Variants in CDKL1 observed in about 807,000 individuals in gnomAD.
CDKL1 encodes cyclin-dependent kinase-like 1.
In CDKL1, 41 loss-of-function variants were observed where a neutral mutation model predicts 42.0. That is an observed-to-expected ratio of 0.98 (90% CI 0.76 to 1.27). CDKL1 has a LOEUF of 1.27. Among genes scored for constraint, CDKL1 ranks in the 50% most tolerant of loss-of-function variants. The pLI is 0.00. For synonymous variants in CDKL1, 153 were observed against 158.6 expected, an observed-to-expected ratio of 0.96 and a Z score of 0.26; for missense variants, 394 against 428.4, an observed-to-expected ratio of 0.92 and a Z score of 0.71.
intron 5 of CDKL1, 45 bp downstream of exon 5, chr14:50,342,087 C>CT: frequency 6.6e-7 from 1 of 1,518,364 alleles, no homozygotes; most frequent in Non-Finnish European, 9.1e-7. Context: ...GTATCAAGAA[C>CT]TTTTTCATTT....
intron 2 of CDKL1, among the ~76,000 whole-genome samples, chr14:50,395,102 T>C (rs1429076076): frequency 6.6e-6 from 1 of 152,274 alleles, no homozygotes; most frequent in African/African-American, 2.4e-5. Flanking sequence ...GTGAGCTTCC[T>C]AGCAGTTTGA....
rs760993904 is a variant in CDKL1 at position 50,339,045 on chromosome 14, GA to G, written c.656-17del. The G allele has an allele frequency of 3.2e-6, 5 of 1,562,428 alleles. No individual in the cohort carries two copies. Among genetic ancestry groups the G allele is most frequent in the African/African-American group, 2.7e-5 (2 of 73,978 alleles). On this transcript the variant is annotated splice_polypyrimidine_tract_variant and intron_variant, in intron 6 of 9. Coordinates refer to ENST00000395834, the MANE Select transcript of CDKL1 (RefSeq NM_004196.7). ...ATGAGATCCCCTTTGGACAAGAAAA[GA>G]AAAAGGTAAGTGAAATTGGTTAGCA... is the stretch of plus-strand genomic sequence containing the variant.
At chr14:50,358,208 C>A in intron 3 of CDKL1, 1 of 1,174,926 alleles carries the variant, frequency 8.5e-7, no homozygotes. Flanking sequence ...TTCTCAGTTA[C>A]AGCCACAACA....
upstream of CDKL1, chr14:50,397,053 C>G (rs1375528507): frequency 1.5e-6 from 2 of 1,319,796 alleles, no homozygotes; most frequent in South Asian, 2.4e-5. Context: ...GGGAGCTGTC[C>G]TGACCGCGGG....
intron 7 of CDKL1, 127 bp from the exon 8 acceptor site, chr14:50,334,748 A>C: frequency 1.5e-6 from 1 of 665,092 alleles, no homozygotes; most frequent in East Asian, 2.7e-5. Flanking sequence ...TGCCCACCCA[A>C]CCTCCTGCCC....
chr14:50,395,762 A>G lies in CDKL1; in HGVS notation c.107T>C (p.Leu36Pro), dbSNP rs1396925330. Residue 36 changes from leucine to proline, a missense_variant, in exon 2 of 10, where the codon CTG becomes CCG. Leu to Pro is a moderately conservative substitution (Grantham distance 98). Coordinates refer to ENST00000395834, the MANE Select transcript of CDKL1 (RefSeq NM_004196.7). The part of the protein sequence containing the change: ...TGQIVAIKKF[L>P]ESEDDPVIKK... ...TATGACAGGGTCATCTTCTGATTCC[A>G]GAAACTTCTTGATGGCCACAATCTG... The G allele has an allele frequency of 6.2e-7, 1 of 1,614,080 alleles. No individual in the cohort carries two copies. Among genetic ancestry groups the G allele is most frequent in the Admixed American group, 1.7e-5 (1 of 60,028 alleles).
At chr14:50,378,473 G>C (rs1419425216) in intron 2 of CDKL1, 1 of 1,350,378 alleles carries the variant, frequency 7.4e-7, no homozygotes, top group Non-Finnish European at 9.9e-7. Flanking sequence ...GCACTACACT[G>C]TCGCATAACT....
At chr14:50,393,997 G>C (rs928872689) in intron 2 of CDKL1, among the ~76,000 whole-genome samples, 1 of 152,202 alleles carries the variant, frequency 6.6e-6, no homozygotes, top group African/African-American at 2.4e-5. Context: ...TGGGGATATA[G>C]AGCTACAGAG....
At chr14:50,387,824 G>C (rs1182575948) in intron 2 of CDKL1, among the ~76,000 whole-genome samples, 1 of 152,196 alleles carries the variant, frequency 6.6e-6, no homozygotes, top group African/African-American at 2.4e-5. Context: ...AGGGAGCCTA[G>C]AATGACCCCT....
intron 7 of CDKL1, among the ~76,000 whole-genome samples, chr14:50,338,198 T>G (rs1271569873): frequency 6.6e-6 from 1 of 152,104 alleles, no homozygotes; most frequent in Admixed American, 6.5e-5. Context: ...AGCACCAGAG[T>G]AAGGCTGGCT....
chr14:50,347,814 G>A (rs1429710578), intron 3 of CDKL1, among the ~76,000 whole-genome samples: 1 of 152,196 alleles, frequency 6.6e-6, no homozygotes, highest in Non-Finnish European at 1.5e-5. Flanking sequence ...GAGGAGCTCG[G>A]AAGGAAGCTG....
chr14:50,335,681 A>G lies in CDKL1; in HGVS notation c.739-1060T>C. The G allele has an allele frequency of 8.1e-6, 12 of 1,487,036 alleles. No homozygotes were observed. In the South Asian group the frequency reaches 1.3e-4, roughly 16 times the overall value. 92.1% of individuals were successfully genotyped at this position (1,487,036 alleles called of 1,614,324 possible). On this transcript the variant is annotated intron_variant, in intron 7 of 9. Transcript: ENST00000395834. ...AAATAAGAGCCAGCCAAGCTGAGCAAAATAAGTGACTGCAGTGCATTGTGT... is the reference window on the plus strand; with the variant it reads ...AAATAAGAGCCAGCCAAGCTGAGCAGAATAAGTGACTGCAGTGCATTGTGT...
At chr14:50,344,931 C>CCACCTCAG in intron 4 of CDKL1, 55 bp downstream of exon 4, 1 of 1,396,408 alleles carries the variant, frequency 7.2e-7, no homozygotes. Context: ...GTACAAGGCT[C>CCACCTCAG]CACCTCAGCT....
Position 50,395,691 on chromosome 14 carries a change from A to C in CDKL1, c.168+10T>G, listed in dbSNP as rs777010432. 4 of 1,576,388 alleles carry C rather than the reference A, an allele frequency of 2.5e-6. No individual in the cohort carries two copies. Among genetic ancestry groups the C allele is most frequent in the Non-Finnish European group, 3.5e-6 (4 of 1,150,806 alleles). On this transcript the variant is annotated intron_variant, in intron 2 of 9. Transcript: ENST00000395834. Reference sequence around the variant, plus strand: ...CGAAAAAGAAAAAAAAGGAAAAGTGAATCAATTACCTTGAGCATTCGGATT... The same window carrying C: ...CGAAAAAGAAAAAAAAGGAAAAGTGCATCAATTACCTTGAGCATTCGGATT...
chr14:50,327,696 C>G lies in CDKL1; in HGVS notation c.*2378G>C. Reference sequence around the variant, plus strand: ...GCCAGACTGGTCTTGAACTCCTAACCTCAGGATCCACCCGCCTCGGCCTCC... The same window carrying G: ...GCCAGACTGGTCTTGAACTCCTAACGTCAGGATCCACCCGCCTCGGCCTCC... On this transcript the variant is annotated 3_prime_UTR_variant, in exon 10 of 10. Coordinates refer to ENST00000395834, the MANE Select transcript of CDKL1 (RefSeq NM_004196.7). 1 of 152,064 alleles carries G rather than the reference C, an allele frequency of 6.6e-6. No homozygotes were observed. The highest frequency in any genetic ancestry group is 1.5e-5 in the Non-Finnish European group (1 of 68,020). The allele number at this position is 152,064 out of a possible 1,614,324, so 9.4% of individuals were successfully genotyped here.
intron 2 of CDKL1, chr14:50,362,868 C>T (rs753549909): frequency 1.0e-5 from 4 of 392,580 alleles, no homozygotes; most frequent in South Asian, 1.8e-5. Context: ...GCAGGCTGCC[C>T]GACCCAGCAG....
chr14:50,394,828 AACT>A (rs2035352903), intron 2 of CDKL1, among the ~76,000 whole-genome samples: 1 of 152,138 alleles, frequency 6.6e-6, no homozygotes, highest in Non-Finnish European at 1.5e-5. Flanking sequence ...TTTTAGGGTT[AACT>A]AATAAACATT....
chr14:50,342,405 C>A, intron 4 of CDKL1, 183 bp from the exon 5 acceptor site: 1 of 1,353,352 alleles, frequency 7.4e-7, no homozygotes, highest in Non-Finnish European at 9.5e-7. Flanking sequence ...CTGAATCATC[C>A]CAAATTCCTA....
intron 3 of CDKL1, among the ~76,000 whole-genome samples, chr14:50,353,058 A>G (rs1234353060): frequency 6.6e-6 from 1 of 152,232 alleles, no homozygotes; most frequent in African/African-American, 2.4e-5. Context: ...TAGATAAAAC[A>G]TAGAGTCAGT....
Sources: gnomAD v4.1 joint callset for allele counts (sites outside exome capture counted in the v4.1 genomes callset) on GRCh38, gnomAD v4.1.1 for gene constraint, MANE v1.5 for transcripts, NCBI Gene and HGNC (gene_info 2026-07-23, HGNC 2026-07-21) for gene names.